IL1RAPL2: variants seen among roughly 807,000 people sequenced by gnomAD.
The protein encoded by IL1RAPL2 is X-linked interleukin-1 receptor accessory protein-like 2.
Under a neutral mutation model 44.1 loss-of-function variants are expected in IL1RAPL2, and 3 were observed. The observed-to-expected ratio is 0.07, with a 90% CI of 0.03 to 0.18. The LOEUF (loss-of-function observed/expected upper bound fraction) is 0.18, where lower values mean the gene tolerates loss of function less well. Ranked by LOEUF, IL1RAPL2 falls within the 10% of genes least tolerant of loss-of-function variation. IL1RAPL2 has a pLI of 1.00. For missense variants in IL1RAPL2, 391 were observed against 496.4 expected (o/e 0.79, Z 2.02); for synonymous variants, 181 against 178.8 (o/e 1.01, Z -0.10).
At chrX:105,345,055 A>C (rs6523838) in intron 5 of IL1RAPL2, among the ~76,000 whole-genome samples, 14,452 of 111,320 alleles carry the variant, frequency 0.13, 2,277 homozygotes, top group African/African-American at 0.45. Flanking sequence ...TCCATATACC[A>C]AAGATTTATA....
chrX:104,905,247 G>T (rs1453777881), intron 2 of IL1RAPL2, among the ~76,000 whole-genome samples: 4 of 111,458 alleles, frequency 3.6e-5, no homozygotes, highest in Non-Finnish European at 7.5e-5. Flanking sequence ...CTCCCATTTT[G>T]TAGGTTTCCT....
At chrX:104,700,825 C>T (rs188505386) in intron 2 of IL1RAPL2, among the ~76,000 whole-genome samples, 72 of 111,922 alleles carry the variant, frequency 6.4e-4, no homozygotes, top group Non-Finnish European at 1.1e-3. Flanking sequence ...TACAGCCTCT[C>T]TTAAACACTT....
chrX:105,394,029 T>G (rs1360353863), intron 5 of IL1RAPL2, among the ~76,000 whole-genome samples: 1 of 112,051 alleles, frequency 8.9e-6, no homozygotes, highest in African/African-American at 3.2e-5. Context: ...GCAATTGAGA[T>G]GATGTTTGTG....
rs562023554 is a variant in IL1RAPL2 at position 105,294,753 on chromosome X, G to A, written c.697+27212G>A. Among the ~76,000 whole-genome samples, 41 of 112,017 alleles carry A rather than the reference G, an allele frequency of 3.7e-4. No individual in the cohort carries two copies. The South Asian group carries it at 0.015, about 41-fold the overall frequency. On this transcript the variant is annotated intron_variant, in intron 5 of 10. Transcript: ENST00000372582. ...TTTTTCCAGGGAAAGAACATGCAGT[G>A]GTAAGTAGTTGTTGAGCACATTTCA...
At chrX:105,546,709 C>T (rs2036804056) in intron 6 of IL1RAPL2, among the ~76,000 whole-genome samples, 1 of 111,041 alleles carries the variant, frequency 9.0e-6, no homozygotes, top group South Asian at 3.8e-4. Context: ...GAGAAACATG[C>T]CCCATGAGTA....
At chrX:104,721,984 A>G (rs1931687770) in intron 2 of IL1RAPL2, among the ~76,000 whole-genome samples, 2 of 111,263 alleles carry the variant, frequency 1.8e-5, no homozygotes, top group South Asian at 7.5e-4. Flanking sequence ...TTGCTCTAAT[A>G]GCTATTCTTG....
chrX:105,210,371 A>G (rs1433985226), intron 3 of IL1RAPL2, among the ~76,000 whole-genome samples: 2 of 110,376 alleles, frequency 1.8e-5, no homozygotes, highest in East Asian at 2.9e-4. Flanking sequence ...TCCACCCTAT[A>G]CCCTAATGTC....
intron 2 of IL1RAPL2, among the ~76,000 whole-genome samples, chrX:105,126,736 G>A (rs948219168): frequency 3.6e-5 from 4 of 111,068 alleles, no homozygotes; most frequent in African/African-American, 1.3e-4. Flanking sequence ...CTTTATCTTA[G>A]TTCTCATTAT....
intron 6 of IL1RAPL2, among the ~76,000 whole-genome samples, chrX:105,518,256 G>C (rs1039674333): frequency 9.0e-6 from 1 of 110,772 alleles, no homozygotes; most frequent in Non-Finnish European, 1.9e-5. Flanking sequence ...CTCTTTTTCT[G>C]TTCTAAAAAT....
chrX:104,730,799 C>A (rs1164763507), intron 2 of IL1RAPL2, among the ~76,000 whole-genome samples: 1 of 110,314 alleles, frequency 9.1e-6, no homozygotes, highest in Non-Finnish European at 1.9e-5. Context: ...AATCGCCACA[C>A]TGACTTCCAC....
intron 2 of IL1RAPL2, among the ~76,000 whole-genome samples, chrX:104,865,700 C>T (rs780824383): frequency 2.7e-5 from 3 of 112,552 alleles, no homozygotes; most frequent in Non-Finnish European, 5.6e-5. Context: ...CTTCATCTTT[C>T]TTTTGTGCTG....
chrX:105,567,348 G>A (rs565064566), intron 6 of IL1RAPL2, among the ~76,000 whole-genome samples: 4 of 111,494 alleles, frequency 3.6e-5, no homozygotes, highest in African/African-American at 1.3e-4. Flanking sequence ...GACTGTGAAA[G>A]GCATGAATGT....
chrX:104,928,090 T>A (rs1924814929), intron 2 of IL1RAPL2, among the ~76,000 whole-genome samples: 2 of 112,104 alleles, frequency 1.8e-5, no homozygotes, highest in Non-Finnish European at 3.8e-5. Context: ...AGGCATGCAA[T>A]GCATATTAAT....
intron 6 of IL1RAPL2, among the ~76,000 whole-genome samples, chrX:105,660,903 C>T (rs2147847395): frequency 9.0e-6 from 1 of 110,554 alleles, no homozygotes; most frequent in African/African-American, 3.3e-5. Context: ...AGACAAATAA[C>T]AAAATGGCAG....
At chrX:104,670,864 G>A (rs769108356) in intron 2 of IL1RAPL2, among the ~76,000 whole-genome samples, 1 of 111,139 alleles carries the variant, frequency 9.0e-6, no homozygotes, top group Non-Finnish European at 1.9e-5. Context: ...CTTGTTTTTA[G>A]TTATAGATGT....
At chrX:105,359,409 G>A (rs2035231572) in intron 5 of IL1RAPL2, among the ~76,000 whole-genome samples, 1 of 111,614 alleles carries the variant, frequency 9.0e-6, no homozygotes, top group Admixed American at 9.6e-5. Context: ...AAGGTACTAT[G>A]TTGTGCTGGG....
intron 2 of IL1RAPL2, among the ~76,000 whole-genome samples, chrX:104,659,206 C>T (rs1930339730): frequency 1.8e-5 from 2 of 111,317 alleles, no homozygotes; most frequent in South Asian, 7.7e-4. Flanking sequence ...CTTCAATGAC[C>T]AGTATACTCT....
At chrX:105,353,955 A>C (rs2035179273) in intron 5 of IL1RAPL2, among the ~76,000 whole-genome samples, 1 of 110,938 alleles carries the variant, frequency 9.0e-6, no homozygotes, top group Admixed American at 9.6e-5. Context: ...CCTGGCCAGA[A>C]CTTCCAACAC....
At chrX:105,115,940 G>T (rs1471404982) in intron 2 of IL1RAPL2, among the ~76,000 whole-genome samples, 2 of 113,415 alleles carry the variant, frequency 1.8e-5, no homozygotes, top group African/African-American at 3.2e-5. Flanking sequence ...AAGCACAGCA[G>T]CTGCTGGCCC....
Sources: allele counts gnomAD v4.1 joint callset (sites outside exome capture counted in the v4.1 genomes callset), GRCh38; gene constraint gnomAD v4.1.1; transcripts MANE v1.5; gene names NCBI Gene and HGNC (gene_info 2026-07-23, HGNC 2026-07-21).